FAM193A: variants seen among roughly 807,000 people sequenced by gnomAD.
The protein encoded by FAM193A is family with sequence similarity 193 member A.
Under a neutral mutation model 126.5 loss-of-function variants are expected in FAM193A, and 22 were observed. That is an observed-to-expected ratio of 0.17 (90% CI 0.12 to 0.25). FAM193A has a LOEUF of 0.25. FAM193A is among the 10% of genes least tolerant of loss of function. FAM193A has a pLI of 1.00. For missense variants in FAM193A, 1,675 were observed against 1,672.8 expected (o/e 1.00, Z -0.02); for synonymous variants, 761 against 646.8 (o/e 1.18, Z -2.68).
intron 1 of FAM193A, among the ~76,000 whole-genome samples, chr4:2,546,152 A>G (rs903729745): frequency 4.7e-5 from 7 of 149,760 alleles, no homozygotes; most frequent in Non-Finnish European, 7.4e-5. Flanking sequence ...CGCCTCAAAA[A>G]AAAAAAATTT....
intron 7 of FAM193A, among the ~76,000 whole-genome samples, chr4:2,657,129 C>G (rs1350040618): frequency 2.6e-5 from 4 of 152,182 alleles, no homozygotes; most frequent in African/African-American, 7.2e-5. Context: ...GATTGTGCCA[C>G]TGCACTCCAG....
chr4:2,620,836 C>CAAAAAAAAA lies in FAM193A; in HGVS notation c.502-4412_502-4404dup, dbSNP rs34305537. On this transcript the variant is annotated intron_variant, in intron 2 of 20. Coordinates refer to ENST00000637812, the MANE Select transcript of FAM193A (RefSeq NM_001366318.2). Reference sequence around the variant, plus strand: ...GGGCAAGAAGACTGCAACTCCGTCTCAAAAAAAAAAAAAAAAAAAAAAGTA... The same window carrying CAAAAAAAAA: ...GGGCAAGAAGACTGCAACTCCGTCTCAAAAAAAAAAAAAAAAAAAAAAAAAAAAAAAGTA... Among the ~76,000 whole-genome samples the CAAAAAAAAA allele has an allele frequency of 3.3e-4, 23 of 69,088 alleles. 1 individual carries two copies. The highest frequency in any genetic ancestry group is 1.3e-3 in the African/African-American group (22 of 16,494). The allele number at this position is 69,088 out of a possible 152,430, so 45.3% of individuals were successfully genotyped here. A position where few individuals can be genotyped will look rare whatever the true frequency, so the allele number is the denominator to read the frequency against.
intron 1 of FAM193A, among the ~76,000 whole-genome samples, chr4:2,549,439 C>G (rs1287668729): frequency 7.2e-6 from 1 of 139,658 alleles, no homozygotes; most frequent in Admixed American, 7.1e-5. Flanking sequence ...CTCTGTCGCC[C>G]AGGCTGGAGT....
intron 5 of FAM193A, among the ~76,000 whole-genome samples, chr4:2,631,854 C>T (rs16843176): frequency 6.6e-6 from 1 of 152,158 alleles, no homozygotes; most frequent in Non-Finnish European, 1.5e-5. Context: ...TCAACAGCCT[C>T]AGTGCCCCCA....
At chr4:2,673,493 C>G (rs1189135638) in intron 13 of FAM193A, among the ~76,000 whole-genome samples, 1 of 152,212 alleles carries the variant, frequency 6.6e-6, no homozygotes, top group Non-Finnish European at 1.5e-5. Context: ...ATTGTAATTA[C>G]TTGGCACAAC....
rs781198113 is a variant in FAM193A at position 2,693,580 on chromosome 4, A to T, written c.2804-6A>T. The T allele has an allele frequency of 9.0e-5, 145 of 1,605,958 alleles. No homozygotes were observed. Among genetic ancestry groups the T allele is most frequent in the Non-Finnish European group, 1.2e-4 (136 of 1,173,982 alleles). On this transcript the variant is annotated splice_polypyrimidine_tract_variant and splice_region_variant and intron_variant, in intron 15 of 20. Coordinates refer to ENST00000637812, the MANE Select transcript of FAM193A (RefSeq NM_001366318.2). ...TTGGCAGTGACTCTCGCCTCTCTAA[A>T]TGCAGGTGACGTGTTTCATGGCATC... is the stretch of plus-strand genomic sequence containing the variant.
intron 6 of FAM193A, 66 bp from the exon 7 acceptor site, chr4:2,646,619 C>A: frequency 2.0e-6 from 3 of 1,476,012 alleles, no homozygotes; most frequent in Non-Finnish European, 2.7e-6. Context: ...GCAGGAAGCA[C>A]ATTTCTGATC....
At chr4:2,617,852 C>G (rs1742305029) in intron 2 of FAM193A, among the ~76,000 whole-genome samples, 1 of 152,074 alleles carries the variant, frequency 6.6e-6, no homozygotes, top group African/African-American at 2.4e-5. Context: ...TTAAAAAGAC[C>G]TTATAAATAA....
intron 19 of FAM193A, 30 bp downstream of exon 19, chr4:2,700,574 T>A: frequency 1.3e-6 from 2 of 1,586,056 alleles, no homozygotes; most frequent in Non-Finnish European, 1.7e-6. Context: ...AAGGTATTTC[T>A]GAGCGATGCC....
At chr4:2,553,256 G>A (rs1036165252) in intron 1 of FAM193A, among the ~76,000 whole-genome samples, 3 of 152,234 alleles carry the variant, frequency 2.0e-5, no homozygotes, top group Admixed American at 2.0e-4. Flanking sequence ...TTGAGCTCAG[G>A]GGTTCCAGGC....
intron 2 of FAM193A, among the ~76,000 whole-genome samples, chr4:2,600,397 A>G (rs1353978977): frequency 1.3e-5 from 2 of 152,162 alleles, no homozygotes; most frequent in South Asian, 2.1e-4. Context: ...TCCATGTGGC[A>G]GAATATTCAT....
At chr4:2,574,132 T>C (rs1041295372) in intron 1 of FAM193A, among the ~76,000 whole-genome samples, 1 of 151,842 alleles carries the variant, frequency 6.6e-6, no homozygotes, top group African/African-American at 2.4e-5. Flanking sequence ...GTCTCGTGGG[T>C]GTGGGGTAAA....
chr4:2,571,032 G>GCT (rs1352483864), intron 1 of FAM193A, among the ~76,000 whole-genome samples: 5 of 152,148 alleles, frequency 3.3e-5, no homozygotes, highest in Non-Finnish European at 7.4e-5. Flanking sequence ...CTGTGCTGTG[G>GCT]CTCTCTCCCT....
chr4:2,687,907 G>T (rs2109250044), intron 13 of FAM193A, among the ~76,000 whole-genome samples: 1 of 152,244 alleles, frequency 6.6e-6, no homozygotes, highest in African/African-American at 2.4e-5. Context: ...CTGTACGTGC[G>T]CCATCCCTTT....
At chr4:2,580,168 AAC>A (rs967943588) in intron 1 of FAM193A, among the ~76,000 whole-genome samples, 5 of 152,208 alleles carry the variant, frequency 3.3e-5, no homozygotes, top group African/African-American at 4.8e-5. Flanking sequence ...TTAGCAAAGT[AAC>A]ACAGAAACAG....
chr4:2,711,467 G>A (rs1228401897), intron 19 of FAM193A, among the ~76,000 whole-genome samples: 1 of 151,266 alleles, frequency 6.6e-6, no homozygotes, highest in Non-Finnish European at 1.5e-5. Flanking sequence ...AGCCTCCCGA[G>A]TAGCTGGGAT....
At chr4:2,727,507 A>G (rs1363966698) in intron 20 of FAM193A, among the ~76,000 whole-genome samples, 3 of 152,224 alleles carry the variant, frequency 2.0e-5, no homozygotes, top group Non-Finnish European at 2.9e-5. Flanking sequence ...TAGAGCCACT[A>G]CAGATTTCTT....
chr4:2,642,690 G>T (rs1453394743), intron 6 of FAM193A, among the ~76,000 whole-genome samples: 1 of 151,784 alleles, frequency 6.6e-6, no homozygotes, highest in African/African-American at 2.4e-5. Context: ...GTCAGACTGT[G>T]GGTGGGTGAC....
intron 20 of FAM193A, among the ~76,000 whole-genome samples, chr4:2,722,315 G>A (rs1720255714): frequency 1.3e-5 from 2 of 152,198 alleles, no homozygotes; most frequent in Admixed American, 6.5e-5. Context: ...GAGGGACAAA[G>A]CCAGGTCACA....
Sources: allele counts gnomAD v4.1 joint callset (sites outside exome capture counted in the v4.1 genomes callset), GRCh38; gene constraint gnomAD v4.1.1; transcripts MANE v1.5; gene names NCBI Gene and HGNC (gene_info 2026-07-23, HGNC 2026-07-21).